The following COL23A1 variants were observed in gnomAD, a reference collection of about 807,000 sequenced individuals.
COL23A1 encodes collagen type XXIII alpha 1 chain.
Under a neutral mutation model 99.3 loss-of-function variants are expected in COL23A1, and 97 were observed. The observed-to-expected ratio is 0.98, with a 90% CI of 0.83 to 1.16. The LOEUF is 1.16. Among genes scored for constraint, COL23A1 ranks in the 50% most tolerant of loss-of-function variants. COL23A1 has a pLI of 0.00. For missense variants in COL23A1, 762 were observed against 757.4 expected, an observed-to-expected ratio of 1.01 and a Z score of -0.07; for synonymous variants, 320 against 308.2, an observed-to-expected ratio of 1.04 and a Z score of -0.40.
At chr5:178,460,232 C>A (rs1756042249) in intron 2 of COL23A1, among the ~76,000 whole-genome samples, 1 of 152,078 alleles carries the variant, frequency 6.6e-6, no homozygotes, top group Admixed American at 6.5e-5. Context: ...CTAAACAATT[C>A]ACAGCAGACC....
Position 178,366,006 on chromosome 5 carries a change from G to T in COL23A1, c.362-59087C>A, listed in dbSNP as rs1351401983. 2.6e-5 allele frequency among the ~76,000 whole-genome samples: 4 copies of T among 152,122 alleles called. No individual in the cohort carries two copies. The highest frequency in any genetic ancestry group is 2.6e-4 in the Admixed American group (4 of 15,272). The stretch of plus-strand genomic sequence containing the variant: ...CTCCTCAAGTGGGTCACTCCTCACG[G>T]CCTGTGAGTTCACCTCTTCATCTGA... On this transcript the variant is annotated intron_variant, in intron 2 of 28. Coordinates refer to ENST00000390654, the MANE Select transcript of COL23A1 (RefSeq NM_173465.4). The surrounding 1 kb of genome is among the most constrained non-coding windows in gnomAD (Gnocchi z 4.4).
At chr5:178,409,811 T>G (rs1764971345) in intron 2 of COL23A1, among the ~76,000 whole-genome samples, 1 of 152,222 alleles carries the variant, frequency 6.6e-6, no homozygotes, top group Non-Finnish European at 1.5e-5. Flanking sequence ...AAGGATAGAT[T>G]GTTCAGAACA....
At chr5:178,555,286 G>C (rs1762207044) in intron 2 of COL23A1, among the ~76,000 whole-genome samples, 1 of 152,180 alleles carries the variant, frequency 6.6e-6, no homozygotes, top group African/African-American at 2.4e-5. Context: ...CTGAGGGTTA[G>C]GACTTCAAGA....
chr5:178,394,937 A>AGGACTGTTTGGCGTGGAC (rs1764152552), intron 2 of COL23A1, among the ~76,000 whole-genome samples: 1 of 105,056 alleles, frequency 9.5e-6, no homozygotes, highest in Non-Finnish European at 2.0e-5. Flanking sequence ...CGCTCTGGGC[A>AGGACTGTTTGGCGTGGAC]TTCGGCTCTC....
In COL23A1 at chr5:178,365,698, G is replaced by A. The variant is rs565587930; in HGVS notation, c.362-58779C>T. ...TGCGTGCTGTTCCCGGCAGACCCTT[G>A]CGTTTCCTGTTCTCTGCCTGGAAAG... On this transcript the variant is annotated intron_variant, in intron 2 of 28. Transcript: ENST00000390654. The surrounding 1 kb of genome is among the most constrained non-coding windows in gnomAD (Gnocchi z 5.2). Among the ~76,000 whole-genome samples the A allele has an allele frequency of 1.4e-4, 21 of 152,236 alleles. No homozygotes were observed. The South Asian group carries it at 4.4e-3, about 32-fold the overall frequency.
intron 17 of COL23A1, among the ~76,000 whole-genome samples, chr5:178,251,732 A>G (rs1440533648): frequency 3.3e-5 from 5 of 152,156 alleles, no homozygotes; most frequent in African/African-American, 7.2e-5. Context: ...TCATGCAGCT[A>G]TAAGACAAAT....
chr5:178,250,051 G>A lies in COL23A1; in HGVS notation c.1059+10C>T, dbSNP rs775453300. 8.1e-6 allele frequency: 13 copies of A among 1,613,870 alleles called. No individual in the cohort carries two copies. The Admixed American group carries it at 1.2e-4, about 14-fold the overall frequency. ...ACTGGCATCACCAAGGAAATGAAAGGCCCAGAGACCTTCTCTCCATCGATT... is the reference window on the plus strand; with the variant it reads ...ACTGGCATCACCAAGGAAATGAAAGACCCAGAGACCTTCTCTCCATCGATT... On this transcript the variant is annotated intron_variant, in intron 18 of 28. Coordinates refer to ENST00000390654, the MANE Select transcript of COL23A1 (RefSeq NM_173465.4).
intron 2 of COL23A1, among the ~76,000 whole-genome samples, chr5:178,490,799 G>C (rs1308769573): frequency 2.6e-5 from 4 of 151,916 alleles, no homozygotes; most frequent in African/African-American, 9.7e-5. Flanking sequence ...GATTTAAATG[G>C]TAAATTTTAT....
chr5:178,282,052 CAA>C (rs70994994), intron 5 of COL23A1, among the ~76,000 whole-genome samples: 12 of 98,662 alleles, frequency 1.2e-4, no homozygotes, highest in African/African-American at 1.1e-4. Flanking sequence ...ACACTGTCTC[CAA>C]AAAAAAAAAA....
intron 2 of COL23A1, among the ~76,000 whole-genome samples, chr5:178,381,274 AG>A (rs953713119): frequency 6.6e-6 from 1 of 152,206 alleles, no homozygotes; most frequent in African/African-American, 2.4e-5. Context: ...CTCAGGATGT[AG>A]GGAAGTGTGG....
chr5:178,550,636 G>A (rs1761947911), intron 2 of COL23A1, among the ~76,000 whole-genome samples: 1 of 152,090 alleles, frequency 6.6e-6, no homozygotes, highest in Non-Finnish European at 1.5e-5. Context: ...CAATCCATGT[G>A]GAATATACCC....
intron 2 of COL23A1, among the ~76,000 whole-genome samples, chr5:178,378,754 C>T (rs1763216818): frequency 6.6e-6 from 1 of 152,216 alleles, no homozygotes; most frequent in African/African-American, 2.4e-5. Flanking sequence ...GAGGAAGGAC[C>T]CTCATCACCA....
rs1766066923 is a variant in COL23A1 at position 178,428,378 on chromosome 5, C to G, written c.362-121459G>C. ...AGCCAGCTCTTTGCACGAGGAGGAG[C>G]CTTCCTGGATCAAAACCTACCAAGA... On this transcript the variant is annotated intron_variant, in intron 2 of 28. Coordinates refer to ENST00000390654, the MANE Select transcript of COL23A1 (RefSeq NM_173465.4). This position sits in a 1 kb window ranked among gnomAD's most constrained non-coding sequence, Gnocchi z 5.0. Among the ~76,000 whole-genome samples the G allele has an allele frequency of 6.6e-6, 1 of 152,222 alleles. No individual in the cohort carries two copies. Among genetic ancestry groups the G allele is most frequent in the Non-Finnish European group, 1.5e-5 (1 of 68,042 alleles).
At chr5:178,483,452 C>G (rs1176611971) in intron 2 of COL23A1, among the ~76,000 whole-genome samples, 2 of 152,226 alleles carry the variant, frequency 1.3e-5, no homozygotes, top group African/African-American at 4.8e-5. Flanking sequence ...TTTCTAGATT[C>G]TCTCTGCTCA....
chr5:178,532,895 C>T (rs1760728452), intron 2 of COL23A1, among the ~76,000 whole-genome samples: 1 of 152,154 alleles, frequency 6.6e-6, no homozygotes, highest in Non-Finnish European at 1.5e-5. Context: ...CGCCAGAACC[C>T]GACCACGCTG....
At chr5:178,466,707 C>T (rs770228586) in intron 2 of COL23A1, among the ~76,000 whole-genome samples, 3 of 152,208 alleles carry the variant, frequency 2.0e-5, no homozygotes, top group Non-Finnish European at 4.4e-5. Context: ...GCCATGGTTA[C>T]CATTCATCTG....
At chr5:178,433,680 T>C (rs1037430617) in intron 2 of COL23A1, among the ~76,000 whole-genome samples, 1 of 152,156 alleles carries the variant, frequency 6.6e-6, no homozygotes, top group African/African-American at 2.4e-5. Flanking sequence ...AGTCCAAGGA[T>C]TTTAGAGTTC....
intron 2 of COL23A1, among the ~76,000 whole-genome samples, chr5:178,407,006 AGGCAACCT>A (rs1220399811): frequency 6.6e-6 from 1 of 152,248 alleles, no homozygotes; most frequent in Non-Finnish European, 1.5e-5. Context: ...CAGATCAGCT[AGGCAACCT>A]GGGGCCTGAG....
intron 3 of COL23A1, among the ~76,000 whole-genome samples, chr5:178,304,695 T>G (rs111468366): frequency 0.014 from 2,103 of 152,176 alleles, 16 homozygotes; most frequent in Non-Finnish European, 0.02. Flanking sequence ...GCTCACTTTG[T>G]TTTTGGATAG....
Sources: allele counts gnomAD v4.1 joint callset (sites outside exome capture counted in the v4.1 genomes callset), GRCh38; gene constraint gnomAD v4.1.1; non-coding constraint Gnocchi (gnomAD v3.1); transcripts MANE v1.5; gene names NCBI Gene and HGNC (gene_info 2026-07-23, HGNC 2026-07-21).